Variants in PTPRD observed in about 807,000 individuals in gnomAD.
The protein encoded by PTPRD is protein tyrosine phosphatase receptor type D.
PTPRD carries 34 observed loss-of-function variants against 214.5 expected under a neutral mutation model. The observed-to-expected ratio is 0.16, with a 90% confidence interval of 0.12 to 0.21. The LOEUF (loss-of-function observed/expected upper bound fraction) is 0.21, where lower values mean the gene tolerates loss of function less well. PTPRD is among the 10% of genes least tolerant of loss of function. The pLI is 1.00. For missense variants in PTPRD, 2,545 were observed against 2,398.7 expected (o/e 1.06, Z -1.27); for synonymous variants, 1,128 against 845.7 (o/e 1.33, Z -5.79).
At chr9:10,090,385 T>C (rs1047604463) in intron 3 of PTPRD, among the ~76,000 whole-genome samples, 9 of 151,352 alleles carry the variant, frequency 5.9e-5, no homozygotes, top group African/African-American at 1.7e-4. Flanking sequence ...ATTATTCAGG[T>C]CTCAAACACT....
chr9:9,151,955 A>C (rs2099877163), intron 10 of PTPRD, among the ~76,000 whole-genome samples: 1 of 152,166 alleles, frequency 6.6e-6, no homozygotes, highest in Non-Finnish European at 1.5e-5. Flanking sequence ...TTTTTCAATC[A>C]CTTAGGGACT....
At chr9:9,718,318 G>A (rs2097869436) in intron 7 of PTPRD, among the ~76,000 whole-genome samples, 2 of 152,138 alleles carry the variant, frequency 1.3e-5, no homozygotes, top group Non-Finnish European at 2.9e-5. Context: ...TGTATGCATT[G>A]AAGTAAAAAA....
intron 35 of PTPRD, 79 bp downstream of exon 35, chr9:8,436,513 G>C: frequency 1.8e-6 from 2 of 1,107,120 alleles, no homozygotes; most frequent in Non-Finnish European, 2.7e-6. Context: ...CACTGATGAA[G>C]TTAATTTTCA....
chr9:9,966,831 A>T (rs2094738866), intron 4 of PTPRD, among the ~76,000 whole-genome samples: 1 of 152,160 alleles, frequency 6.6e-6, no homozygotes, highest in South Asian at 2.1e-4. Context: ...GGAAGAGAAG[A>T]AAGAAAACTG....
chr9:9,937,229 A>G (rs939904034), intron 5 of PTPRD, among the ~76,000 whole-genome samples: 1 of 149,802 alleles, frequency 6.7e-6, no homozygotes, highest in Non-Finnish European at 1.5e-5. Context: ...GTAAAATAAT[A>G]AAAAAAAATA....
chr9:10,244,549 A>G (rs1270532905), intron 3 of PTPRD, among the ~76,000 whole-genome samples: 1 of 151,850 alleles, frequency 6.6e-6, no homozygotes, highest in Non-Finnish European at 1.5e-5. Context: ...AAAGTAGTTT[A>G]TTAGGTTAAG....
intron 9 of PTPRD, among the ~76,000 whole-genome samples, chr9:9,286,241 A>T (rs1949319850): frequency 6.6e-6 from 1 of 151,834 alleles, no homozygotes. Flanking sequence ...GACTTACATC[A>T]TGATTGCAAC....
chr9:10,279,531 G>C (rs764826920), intron 3 of PTPRD, among the ~76,000 whole-genome samples: 12 of 151,568 alleles, frequency 7.9e-5, no homozygotes, highest in Non-Finnish European at 1.5e-4. Context: ...TCATTTCACT[G>C]ATAAAACTTT....
chr9:9,948,042 GT>G lies in PTPRD; in HGVS notation c.-471-9433del, dbSNP rs1467840892. Among the ~76,000 whole-genome samples, 3 of 151,860 alleles carry G rather than the reference GT, an allele frequency of 2.0e-5. No individual in the cohort carries two copies. In the East Asian group the frequency reaches 5.8e-4, roughly 29 times the overall value. The stretch of plus-strand genomic sequence containing the variant: ...GAAGAAGGGAGATAGATGAAGAAAG[GT>G]AAAAATGAAGACAGAGGAAAAAGGA... On this transcript the variant is annotated intron_variant, in intron 4 of 45. Transcript: ENST00000381196.
chr9:8,911,415 T>TGTTGTGTGTGTGTG (rs1555510111), intron 11 of PTPRD, among the ~76,000 whole-genome samples: 3,483 of 127,160 alleles, frequency 0.027, 90 homozygotes, highest in East Asian at 0.078. Context: ...TGTGTGTGTG[T>TGTTGTGTGTGTGTG]TGTGTGTGTG....
At chr9:8,710,576 A>C (rs1179161000) in intron 12 of PTPRD, among the ~76,000 whole-genome samples, 2 of 152,172 alleles carry the variant, frequency 1.3e-5, no homozygotes, top group African/African-American at 4.8e-5. Flanking sequence ...TGATTGTGCC[A>C]CTGCACTCCA....
At chr9:8,431,421 T>C (rs1401232943) in intron 35 of PTPRD, among the ~76,000 whole-genome samples, 1 of 152,168 alleles carries the variant, frequency 6.6e-6, no homozygotes, top group African/African-American at 2.4e-5. Context: ...TCTTAATGTG[T>C]ACCTTTACTG....
intron 2 of PTPRD, among the ~76,000 whole-genome samples, chr9:10,537,750 C>G (rs2058172024): frequency 6.6e-6 from 1 of 152,072 alleles, no homozygotes; most frequent in Non-Finnish European, 1.5e-5. Context: ...AAAATTCTCT[C>G]TTATAATCTC....
chr9:10,609,656 T>C (rs74745101), intron 2 of PTPRD, among the ~76,000 whole-genome samples: 1 of 152,108 alleles, frequency 6.6e-6, no homozygotes, highest in Non-Finnish European at 1.5e-5. Flanking sequence ...CTACTAGTAA[T>C]ACACAGGAAA....
At position 9,041,331 on chromosome 9, in the gene PTPRD, C is replaced by T. The variant is rs150199399; in HGVS notation, c.-142-22596G>A. Among the ~76,000 whole-genome samples, 651 of 152,138 alleles carry T rather than the reference C, an allele frequency of 4.3e-3. 2 individuals carry two copies. The highest frequency in any genetic ancestry group is 0.014 in the African/African-American group (588 of 41,510). ...TCACTCAGGTATTAAGCCTAGTACC[C>T]ATTAGTTATTTTTCCTGATCCTCTG... On this transcript the variant is annotated intron_variant, in intron 10 of 45. Transcript: ENST00000381196.
At chr9:10,230,179 G>C (rs1218733720) in intron 3 of PTPRD, among the ~76,000 whole-genome samples, 1 of 151,960 alleles carries the variant, frequency 6.6e-6, no homozygotes, top group Non-Finnish European at 1.5e-5. Flanking sequence ...TAGGAGAAAA[G>C]GTTGGAACAA....
chr9:9,004,339 T>C (rs57921606), intron 11 of PTPRD, among the ~76,000 whole-genome samples: 15,359 of 152,036 alleles, frequency 0.1, 890 homozygotes, highest in East Asian at 0.21. Flanking sequence ...AATATAAACC[T>C]CATACCCTTA....
intron 8 of PTPRD, among the ~76,000 whole-genome samples, chr9:9,568,302 G>A (rs568303279): frequency 1.3e-5 from 2 of 151,946 alleles, no homozygotes; most frequent in African/African-American, 2.4e-5. Flanking sequence ...AGAACACATG[G>A]AAGACTTGAG....
chr9:9,803,753 G>A (rs1049794111), intron 5 of PTPRD: 9 of 151,870 alleles, frequency 5.9e-5, no homozygotes, highest in Non-Finnish European at 1.2e-4. Context: ...TAATACATGT[G>A]ATTATTAAAG....
Sources: allele counts gnomAD v4.1 joint callset (sites outside exome capture counted in the v4.1 genomes callset), GRCh38; gene constraint gnomAD v4.1.1; transcripts MANE v1.5; gene names NCBI Gene and HGNC (gene_info 2026-07-23, HGNC 2026-07-21).